Variants in CD63 observed in about 807,000 individuals in gnomAD.
The protein encoded by CD63 is CD63 antigen.
Under a neutral mutation model 29.2 loss-of-function variants are expected in CD63, and 16 were observed. The observed-to-expected ratio is 0.55, with a 90% CI of 0.37 to 0.83. The LOEUF is 0.83. Ranked by LOEUF, CD63 falls within the 40% of genes least tolerant of loss-of-function variation. CD63 has a pLI of 0.00. For synonymous variants in CD63, 118 were observed against 111.7 expected, an observed-to-expected ratio of 1.06 and a Z score of -0.36; for missense variants, 251 against 297.3, an observed-to-expected ratio of 0.84 and a Z score of 1.15.
downstream of CD63, chr12:55,724,837 C>T (rs1488985130): frequency 3.9e-6 from 2 of 509,854 alleles, no homozygotes; most frequent in South Asian, 2.1e-5. Context: ...AGCTGCACGT[C>T]GGGGAGTGGC....
At chr12:55,726,470 G>A (rs1877375135) in intron 5 of CD63, 1 of 618,734 alleles carries the variant, frequency 1.6e-6, no homozygotes, top group Non-Finnish European at 2.8e-6. Context: ...TCACCCTCCT[G>A]AGTAGGTGGG....
chr12:55,723,879 A>G (rs761556251), downstream of CD63: 12 of 1,613,320 alleles, frequency 7.4e-6, no homozygotes, highest in Non-Finnish European at 1.0e-5. Context: ...CTCTGCCCCG[A>G]CTCTAGGCGG....
Position 55,728,606 on chromosome 12 carries a change from G to T in CD63, c.-11-254C>A. ...AGGACAGATCCAAGGGCGCCGGCAGGGGCTTGAGCCTGACGCCGACCCTCG... is the reference window on the plus strand; with the variant it reads ...AGGACAGATCCAAGGGCGCCGGCAGTGGCTTGAGCCTGACGCCGACCCTCG... On this transcript the variant is annotated intron_variant, in intron 1 of 7. Transcript: ENST00000257857. This position sits in a 1 kb window ranked among gnomAD's most constrained non-coding sequence, Gnocchi z 4.8. 9.6e-6 allele frequency: 13 copies of T among 1,354,644 alleles called. No individual in the cohort carries two copies. The highest frequency in any genetic ancestry group is 1.2e-5 in the Non-Finnish European group (13 of 1,052,686). 83.9% of individuals were successfully genotyped at this position (1,354,644 alleles called of 1,614,324 possible). A position where few individuals can be genotyped will look rare whatever the true frequency, so the allele number is the denominator to read the frequency against.
At position 55,728,566 on chromosome 12, in the gene CD63, C is replaced by A; in HGVS notation, c.-11-214G>T. ...GCCGCGAAGCCCGGACCCCGCCCCG[C>A]CGCCTCTGGGGCCCAGGACAGATCC... On this transcript the variant is annotated intron_variant, in intron 1 of 7. Coordinates refer to ENST00000257857, the MANE Select transcript of CD63 (RefSeq NM_001780.6). This position sits in a 1 kb window ranked among gnomAD's most constrained non-coding sequence, Gnocchi z 4.8. 7.0e-7 allele frequency: 1 copy of A among 1,421,692 alleles called. No individual in the cohort carries two copies. The highest frequency in any genetic ancestry group is 2.6e-5 in the East Asian group (1 of 38,686). 88.1% of individuals were successfully genotyped at this position (1,421,692 alleles called of 1,614,324 possible). A position where few individuals can be genotyped will look rare whatever the true frequency, so the allele number is the denominator to read the frequency against.
chr12:55,728,143 C>A lies in CD63; in HGVS notation c.66+133G>T. 1 of 890,536 alleles carries A rather than the reference C, an allele frequency of 1.1e-6. No individual in the cohort carries two copies. The highest frequency in any genetic ancestry group is 1.8e-6 in the Non-Finnish European group (1 of 566,666). 55.2% of individuals were successfully genotyped at this position (890,536 alleles called of 1,614,324 possible). ...AAAACTGGAGGAGGGAGTGGCTGCGCTGTCTTTCCCTGGCTTTCTTTCCAC... is the reference window on the plus strand; with the variant it reads ...AAAACTGGAGGAGGGAGTGGCTGCGATGTCTTTCCCTGGCTTTCTTTCCAC... On this transcript the variant is annotated intron_variant, in intron 2 of 7. Coordinates refer to ENST00000257857, the MANE Select transcript of CD63 (RefSeq NM_001780.6). The surrounding 1 kb of genome is among the most constrained non-coding windows in gnomAD (Gnocchi z 4.8).
chr12:55,729,151 C>A (rs1358629228), upstream of CD63: 7 of 984,828 alleles, frequency 7.1e-6, no homozygotes, highest in African/African-American at 5.2e-5. Context: ...GGGCCCGGCG[C>A]GGGGTGGGCC....
In CD63 at chr12:55,728,335, C is replaced by G. The variant is rs974788693; in HGVS notation, c.7G>C (p.Val3Leu). 5.0e-6 allele frequency: 8 copies of G among 1,610,398 alleles called. No homozygotes were observed. Among genetic ancestry groups the G allele is most frequent in the African/African-American group, 4.0e-5 (3 of 74,898 alleles). The change falls in exon 2 of 8, where the codon GTG (valine) becomes CTG (leucine). Residue 3 changes from valine to leucine, a missense_variant. Physicochemically the swap from Val to Leu is conservative, Grantham distance 32. Coordinates refer to ENST00000257857, the MANE Select transcript of CD63 (RefSeq NM_001780.6). This position sits in a 1 kb window ranked among gnomAD's most constrained non-coding sequence, Gnocchi z 4.8. Reference sequence around the variant, plus strand: ...TTCACACATTTCATTCCTCCTTCCACCGCCATGGCTGCCGGGCCTGGGGCA... The same window carrying G: ...TTCACACATTTCATTCCTCCTTCCAGCGCCATGGCTGCCGGGCCTGGGGCA... MA[V>L]EGGMKCVKFL... is the part of the protein sequence containing the mutation.
At chr12:55,725,989 T>C in intron 6 of CD63, 93 bp from the exon 7 acceptor site, 2 of 1,396,436 alleles carry the variant, frequency 1.4e-6, no homozygotes, top group Non-Finnish European at 1.0e-6. Context: ...CCTGCCCCTG[T>C]ACCTTTCACC....
At chr12:55,729,031 C>CG, upstream of CD63, 5 of 985,458 alleles carry the variant, frequency 5.1e-6, no homozygotes, top group Non-Finnish European at 6.0e-6. Context: ...CCGGCTCCCG[C>CG]CCCGCCTGCC....
chr12:55,728,865 C>T lies in CD63; in HGVS notation c.-12+88G>A. 1.0e-6 allele frequency: 1 copy of T among 988,804 alleles called. No homozygotes were observed. The highest frequency in any genetic ancestry group is 1.2e-6 in the Non-Finnish European group (1 of 831,966). 61.3% of individuals were successfully genotyped at this position (988,804 alleles called of 1,614,324 possible). On this transcript the variant is annotated intron_variant, in intron 1 of 7. Transcript: ENST00000257857. This position sits in a 1 kb window ranked among gnomAD's most constrained non-coding sequence, Gnocchi z 4.8. Reference sequence around the variant, plus strand: ...GGCTGGAGAGCGCCGGACGAGTCTCCGCGGGCCTGGGGCGAGCCCTGGAGG... The same window carrying T: ...GGCTGGAGAGCGCCGGACGAGTCTCTGCGGGCCTGGGGCGAGCCCTGGAGG...
chr12:55,725,169 G>A (rs1565656609), downstream of CD63, among the ~76,000 whole-genome samples: 1 of 152,154 alleles, frequency 6.6e-6, no homozygotes, highest in African/African-American at 2.4e-5. Context: ...GGCAGATGGG[G>A]GCTGGGCTCT....
downstream of CD63, chr12:55,724,385 G>A (rs368653792): frequency 7.4e-6 from 12 of 1,614,186 alleles, no homozygotes; most frequent in South Asian, 3.3e-5. Flanking sequence ...AAGGTGAGCC[G>A]ATGCCTGGAG....
In CD63 at chr12:55,728,171, C is replaced by T; in HGVS notation, c.66+105G>A. 9.4e-7 allele frequency: 1 copy of T among 1,062,434 alleles called. No individual in the cohort carries two copies. Among genetic ancestry groups the T allele is most frequent in the Non-Finnish European group, 1.4e-6 (1 of 706,064 alleles). 65.8% of individuals were successfully genotyped at this position (1,062,434 alleles called of 1,614,324 possible). On this transcript the variant is annotated intron_variant, in intron 2 of 7. Coordinates refer to ENST00000257857, the MANE Select transcript of CD63 (RefSeq NM_001780.6). The surrounding 1 kb of genome is among the most constrained non-coding windows in gnomAD (Gnocchi z 4.8). ...TCTTTCCCTGGCTTTCTTTCCACAT[C>T]TGGTCTCCAGCTGCCTTAATTCTCA... is the stretch of plus-strand genomic sequence containing the variant.
Position 55,728,346 on chromosome 12 carries a change from G to T in CD63, c.-5C>A, listed in dbSNP as rs1360997293. 1.9e-6 allele frequency: 3 copies of T among 1,609,622 alleles called. No individual in the cohort carries two copies. Among genetic ancestry groups the T allele is most frequent in the Non-Finnish European group, 2.5e-6 (3 of 1,178,680 alleles). The stretch of plus-strand genomic sequence containing the variant: ...CATTCCTCCTTCCACCGCCATGGCT[G>T]CCGGGCCTGGGGCAGAGGGGAGGGC... On this transcript the variant is annotated 5_prime_UTR_variant, in exon 2 of 8. Transcript: ENST00000257857. This position sits in a 1 kb window ranked among gnomAD's most constrained non-coding sequence, Gnocchi z 4.8.
Position 55,725,345 on chromosome 12 carries a change from C to G in CD63, c.*216G>C, listed in dbSNP as rs1013048536. ...CCAACCAACACCTTCGCAAAGTCCT[C>G]CTTTCCCAAACACCCCCCAAAATAG... is the stretch of plus-strand genomic sequence containing the variant. On this transcript the variant is annotated 3_prime_UTR_variant, in exon 8 of 8. Coordinates refer to ENST00000257857, the MANE Select transcript of CD63 (RefSeq NM_001780.6). The G allele has an allele frequency of 1.7e-6, 1 of 585,658 alleles. No homozygotes were observed. The highest frequency in any genetic ancestry group is 1.9e-5 in the African/African-American group (1 of 53,578). The allele number at this position is 585,658 out of a possible 1,614,324, so 36.3% of individuals were successfully genotyped here. A position where few individuals can be genotyped will look rare whatever the true frequency, so the allele number is the denominator to read the frequency against.
At chr12:55,727,936 G>A in intron 2 of CD63, 1 of 1,188,782 alleles carries the variant, frequency 8.4e-7, no homozygotes, top group Non-Finnish European at 1.1e-6. Context: ...GGGAGAGAGG[G>A]GAGAAGGGAG....
rs1877721902 is a variant in CD63, at chr12:55,728,897, C to A, written c.-12+56G>T. 3.0e-6 allele frequency: 3 copies of A among 986,978 alleles called. No homozygotes were observed. The allele number at this position is 986,978 out of a possible 1,614,324, so 61.1% of individuals were successfully genotyped here. On this transcript the variant is annotated intron_variant, in intron 1 of 7. Coordinates refer to ENST00000257857, the MANE Select transcript of CD63 (RefSeq NM_001780.6). The surrounding 1 kb of genome is among the most constrained non-coding windows in gnomAD (Gnocchi z 4.8). ...CTGGGGCGAGCCCTGGAGGAAGGGA[C>A]TGCGGGTGGTCTCTCCCAGCCCGCG... is the stretch of plus-strand genomic sequence containing the variant.
intron 2 of CD63, chr12:55,727,742 GCC>G (rs1877574881): frequency 9.7e-7 from 1 of 1,033,282 alleles, no homozygotes; most frequent in African/African-American, 1.7e-5. Flanking sequence ...GGCCAGTTAG[GCC>G]AGGAGAAGGG....
chr12:55,727,549 A>G, intron 2 of CD63: 1 of 1,291,104 alleles, frequency 7.7e-7, no homozygotes, highest in Non-Finnish European at 9.9e-7. Flanking sequence ...CTCTTTAATC[A>G]GGGACATGAC....
Sources: allele counts gnomAD v4.1 joint callset (sites outside exome capture counted in the v4.1 genomes callset), GRCh38; gene constraint gnomAD v4.1.1; non-coding constraint Gnocchi (gnomAD v3.1); transcripts MANE v1.5; gene names NCBI Gene and HGNC (gene_info 2026-07-23, HGNC 2026-07-21).